Variants in CNTN4 observed in about 807,000 individuals in gnomAD.
CNTN4 encodes contactin-4.
CNTN4 carries 77 observed loss-of-function variants against 122.5 expected under a neutral mutation model. That is an observed-to-expected ratio of 0.63 (90% CI 0.52 to 0.76). The LOEUF is 0.76. CNTN4 is among the 30% of genes least tolerant of loss of function. The probability of loss-of-function intolerance (pLI) is 0.00; values close to 1 mark genes in which losing one functional copy is unlikely to be tolerated. For synonymous variants in CNTN4, 512 were observed against 447.0 expected (o/e 1.15, Z -1.83); for missense variants, 1,256 against 1,259.1 (o/e 1.00, Z 0.04).
intron 3 of CNTN4, among the ~76,000 whole-genome samples, chr3:2,412,688 A>G (rs2047268196): frequency 6.6e-6 from 1 of 152,054 alleles, no homozygotes; most frequent in Non-Finnish European, 1.5e-5. Context: ...GAAATTATCT[A>G]GCAAATAACA....
intron 14 of CNTN4, among the ~76,000 whole-genome samples, chr3:2,996,566 G>A (rs1164556701): frequency 2.0e-5 from 3 of 152,010 alleles, no homozygotes; most frequent in East Asian, 1.9e-4. Context: ...AACAAAAAAG[G>A]CAAACAGAAT....
chr3:2,849,778 A>T (rs1284187579), intron 7 of CNTN4, among the ~76,000 whole-genome samples: 4 of 152,208 alleles, frequency 2.6e-5, no homozygotes, highest in Non-Finnish European at 5.9e-5. Context: ...CCAGCCAGGC[A>T]GGTAAGAATG....
At chr3:2,887,342 A>T (rs899134915) in intron 10 of CNTN4, 118 bp downstream of exon 10, 3 of 963,218 alleles carry the variant, frequency 3.1e-6, no homozygotes, top group African/African-American at 3.2e-5. Flanking sequence ...GGACTGTGTG[A>T]AACTCATGGT....
At chr3:2,976,118 A>G (rs1039905027) in intron 13 of CNTN4, among the ~76,000 whole-genome samples, 6 of 152,204 alleles carry the variant, frequency 3.9e-5, no homozygotes, top group Admixed American at 3.3e-4. Context: ...GTGAATAAAT[A>G]AAATCACAAA....
In CNTN4 at chr3:3,040,038, C is replaced by T. The variant is rs372413516; in HGVS notation, c.2165C>T (p.Thr722Met). The change falls in exon 20 of 25, where the codon ACG becomes ATG. Residue 722 changes from threonine to methionine, a missense_variant and splice_region_variant. Transcript: ENST00000418658. ...SKSELVITWE[T>M]VPEELQNGRG... ...AAGACCACCTTCCTTCTTTCCCAGA[C>T]GGTCCCTGAGGAATTACAGAATGGT... The T allele has an allele frequency of 6.9e-5, 110 of 1,603,294 alleles. No homozygotes were observed. Among genetic ancestry groups the T allele is most frequent in the Non-Finnish European group, 8.6e-5 (101 of 1,169,910 alleles).
chr3:2,536,398 T>C (rs7636894), intron 3 of CNTN4, among the ~76,000 whole-genome samples: 15,284 of 152,072 alleles, frequency 0.1, 1,896 homozygotes, highest in East Asian at 0.53. Context: ...TTTGACTTCA[T>C]ATACTGAGAC....
intron 10 of CNTN4, among the ~76,000 whole-genome samples, chr3:2,895,420 T>A (rs1474605359): frequency 1.3e-5 from 2 of 152,250 alleles, no homozygotes; most frequent in Non-Finnish European, 2.9e-5. Context: ...ACAGTTATAT[T>A]TGCTTTATGT....
chr3:2,355,518 A>C (rs904338240), intron 3 of CNTN4, among the ~76,000 whole-genome samples: 1 of 152,142 alleles, frequency 6.6e-6, no homozygotes, highest in Non-Finnish European at 1.5e-5. Context: ...TCAGGAGCAA[A>C]GGTTACCTTT....
intron 3 of CNTN4, among the ~76,000 whole-genome samples, chr3:2,430,237 C>T (rs1054587655): frequency 6.6e-6 from 1 of 151,936 alleles, no homozygotes; most frequent in Non-Finnish European, 1.5e-5. Context: ...TCCTGGCTAA[C>T]ACGGTGAAAC....
At chr3:2,472,167 A>AG in intron 3 of CNTN4, among the ~76,000 whole-genome samples, 1 of 151,952 alleles carries the variant, frequency 6.6e-6, no homozygotes, top group East Asian at 1.9e-4. Context: ...AAAAAAAAAA[A>AG]AAAAGTTCTC....
chr3:2,963,826 T>C (rs1030978726), intron 13 of CNTN4, among the ~76,000 whole-genome samples: 4 of 152,212 alleles, frequency 2.6e-5, no homozygotes, highest in African/African-American at 9.6e-5. Context: ...TTAAGAGTAA[T>C]GGCATTATTT....
chr3:2,589,198 A>G (rs1305265696), intron 4 of CNTN4, among the ~76,000 whole-genome samples: 1 of 152,188 alleles, frequency 6.6e-6, no homozygotes, highest in Non-Finnish European at 1.5e-5. Flanking sequence ...TTTAATCACC[A>G]GAGTATTTTG....
intron 4 of CNTN4, among the ~76,000 whole-genome samples, chr3:2,652,106 A>C (rs1324632254): frequency 6.6e-6 from 1 of 151,856 alleles, no homozygotes; most frequent in African/African-American, 2.4e-5. Flanking sequence ...AGCTCCTACC[A>C]ACATTTTTCG....
chr3:2,844,475 C>T (rs1279508300), intron 7 of CNTN4, among the ~76,000 whole-genome samples: 6 of 152,150 alleles, frequency 3.9e-5, no homozygotes, highest in African/African-American at 1.4e-4. Flanking sequence ...AGTGTGTGTT[C>T]ACTCAGCTGT....
At position 2,617,452 on chromosome 3, in the gene CNTN4, G is replaced by A. The variant is rs534106172; in HGVS notation, c.55+45894G>A. Among the ~76,000 whole-genome samples, 762 of 105,330 alleles carry A rather than the reference G, an allele frequency of 7.2e-3. 7 individuals carry two copies. The highest frequency in any genetic ancestry group is 0.029 in the African/African-American group (739 of 25,882). The allele number at this position is 105,330 out of a possible 152,430, so 69.1% of individuals were successfully genotyped here. A position where few individuals can be genotyped will look rare whatever the true frequency, so the allele number is the denominator to read the frequency against. On this transcript the variant is annotated intron_variant, in intron 4 of 24. Transcript: ENST00000418658. ...TTTTTTTTTTTTGAGACAGAGTCTT[G>A]CACTGTTGCCCAGGCTGGAGTGCAG...
chr3:2,644,380 T>C (rs1409881294), intron 4 of CNTN4, among the ~76,000 whole-genome samples: 1 of 152,154 alleles, frequency 6.6e-6, no homozygotes, highest in East Asian at 1.9e-4. Context: ...AGAAGCTCCA[T>C]ACATCTAGGT....
intron 3 of CNTN4, among the ~76,000 whole-genome samples, chr3:2,496,702 C>G (rs1374854802): frequency 6.6e-6 from 1 of 152,156 alleles, no homozygotes; most frequent in Non-Finnish European, 1.5e-5. Context: ...TTTCCAAAGT[C>G]ACTAAGGAAG....
chr3:2,907,227 G>A (rs2094245259), intron 12 of CNTN4, among the ~76,000 whole-genome samples: 1 of 152,132 alleles, frequency 6.6e-6, no homozygotes, highest in Admixed American at 6.5e-5. Flanking sequence ...AGAATCATGA[G>A]GATGCTGAAT....
intron 3 of CNTN4, among the ~76,000 whole-genome samples, chr3:2,464,607 G>A (rs556230745): frequency 9.2e-5 from 14 of 152,020 alleles, no homozygotes; most frequent in Non-Finnish European, 1.6e-4. Flanking sequence ...GCCTGGGGAC[G>A]AATTAAAATG....
Sources: gnomAD v4.1 joint callset for allele counts (sites outside exome capture counted in the v4.1 genomes callset) on GRCh38, gnomAD v4.1.1 for gene constraint, MANE v1.5 for transcripts, NCBI Gene and HGNC (gene_info 2026-07-23, HGNC 2026-07-21) for gene names.